The following PKD1L1 variants were observed in gnomAD, a reference collection of about 807,000 sequenced individuals.
The protein encoded by PKD1L1 is polycystin-1-like protein 1.
In PKD1L1, 236 loss-of-function variants were observed where a neutral mutation model predicts 323.4. That is an observed-to-expected ratio of 0.73 (90% CI 0.66 to 0.81). The LOEUF (loss-of-function observed/expected upper bound fraction) is 0.81. PKD1L1 is among the 40% of genes least tolerant of loss of function. The pLI is 0.00. For synonymous variants in PKD1L1, 1,344 were observed against 1,335.0 expected (o/e 1.01, Z -0.15); for missense variants, 3,320 against 3,508.0 (o/e 0.95, Z 1.35).
chr7:47,882,049 A>G lies in PKD1L1; in HGVS notation c.3302T>C (p.Leu1101Ser). The change falls in exon 20 of 57, where the codon TTG (leucine) becomes TCG (serine). Residue 1101 changes from leucine (L) to serine (S), a missense_variant. Transcript: ENST00000289672. ...ATCTCCAGGGCTCTCCTCGGCACTC[A>G]AGCTAGGTCCTGATCCTGGAAAGCT... The part of the protein sequence containing the change: ...DTSFPGSGPS[L>S]SAEESPGDGD... The G allele has an allele frequency of 1.2e-6, 2 of 1,613,764 alleles. No individual in the cohort carries two copies. The highest frequency in any genetic ancestry group is 2.2e-5 in the South Asian group (2 of 91,034).
chr7:47,813,340 G>A, intron 48 of PKD1L1, 47 bp from the exon 49 acceptor site: 2 of 1,602,700 alleles, frequency 1.2e-6, no homozygotes, highest in South Asian at 1.1e-5. Context: ...TATTCCCAAG[G>A]CTACCCTGCA....
In PKD1L1 at chr7:47,831,284, C is replaced by T. The variant is rs2128735392; in HGVS notation, c.6406G>A (p.Ala2136Thr). Residue 2136 changes from alanine to threonine, a missense_variant, in exon 42 of 57, where the codon GCA becomes ACA. Ala to Thr is a moderately conservative substitution (Grantham distance 58). Coordinates refer to ENST00000289672, the MANE Select transcript of PKD1L1 (RefSeq NM_138295.5). ...GCGGTCCCACAAATGGCCCACACTG[C>T]AGAGCTCCACCAAGGCTGAAGGGCC... ...SRALQPWWSSAVWAICGTASL... is the reference protein window; with the variant it reads ...SRALQPWWSSTVWAICGTASL... 1 of 1,614,192 alleles carries T rather than the reference C, an allele frequency of 6.2e-7. No individual in the cohort carries two copies. The highest frequency in any genetic ancestry group is 8.5e-7 in the Non-Finnish European group (1 of 1,180,022).
Position 47,946,493 on chromosome 7 carries a change from CCA to C in PKD1L1, c.44+1902_44+1903del, listed in dbSNP as rs757681313. Among the ~76,000 whole-genome samples the C allele has an allele frequency of 9.0e-6, 1 of 110,930 alleles. No individual in the cohort carries two copies. The highest frequency in any genetic ancestry group is 2.1e-5 in the Non-Finnish European group (1 of 47,828). The allele number at this position is 110,930 out of a possible 152,430, so 72.8% of individuals were successfully genotyped here. A position where few individuals can be genotyped will look rare whatever the true frequency, so the allele number is the denominator to read the frequency against. ...CATCGCACACACCACACACCACGCA[CCA>C]CACAAACACACCATACACACAAACA... is the stretch of plus-strand genomic sequence containing the variant. On this transcript the variant is annotated intron_variant, in intron 1 of 56. Coordinates refer to ENST00000289672, the MANE Select transcript of PKD1L1 (RefSeq NM_138295.5). The surrounding 1 kb of genome is among the most constrained non-coding windows in gnomAD (Gnocchi z 4.1).
intron 46 of PKD1L1, chr7:47,819,548 G>A (rs1432582148): frequency 7.3e-7 from 1 of 1,362,564 alleles, no homozygotes; most frequent in Non-Finnish European, 9.8e-7. Context: ...ACGGATAGGA[G>A]AGCTGAAAAG....
intron 3 of PKD1L1, among the ~76,000 whole-genome samples, chr7:47,938,170 G>A (rs1380521344): frequency 2.6e-5 from 4 of 152,104 alleles, no homozygotes; most frequent in Admixed American, 2.0e-4. Flanking sequence ...TTAACCAACG[G>A]CCCAGCCCCT....
Position 47,882,057 on chromosome 7 carries a change from T to C in PKD1L1, c.3294A>G (p.Gly1098=), listed in dbSNP as rs774166737. 2 of 1,613,510 alleles carry C rather than the reference T, an allele frequency of 1.2e-6. No homozygotes were observed. Among genetic ancestry groups the C allele is most frequent in the East Asian group, 4.5e-5 (2 of 44,862 alleles). Residue 1098 remains glycine, a synonymous_variant, in exon 20 of 57, where the codon GGA becomes GGG. Coordinates refer to ENST00000289672, the MANE Select transcript of PKD1L1 (RefSeq NM_138295.5). ...GGCTCTCCTCGGCACTCAAGCTAGG[T>C]CCTGATCCTGGAAAGCTGGTGTCCT... ...PAKDTSFPGS[G]PSLSAEESPG...
intron 7 of PKD1L1, among the ~76,000 whole-genome samples, chr7:47,917,334 A>C (rs1299850775): frequency 6.6e-6 from 1 of 152,128 alleles, no homozygotes; most frequent in Non-Finnish European, 1.5e-5. Context: ...GATTATGTTA[A>C]ATGACCAAAC....
intron 21 of PKD1L1, among the ~76,000 whole-genome samples, chr7:47,878,701 G>A (rs1218211009): frequency 6.6e-6 from 1 of 152,228 alleles, no homozygotes; most frequent in Non-Finnish European, 1.5e-5. Context: ...GCTTAGGAAG[G>A]GATGTGGGGA....
At chr7:47,862,092 C>G (rs35385314) in intron 26 of PKD1L1, among the ~76,000 whole-genome samples, 100,738 of 150,926 alleles carry the variant, frequency 0.67, 33,918 homozygotes, top group African/African-American at 0.73. Context: ...CTACTAGGGA[C>G]GCTGAGACAG....
chr7:47,898,203 C>T lies in PKD1L1; in HGVS notation c.2065-9G>A. ...GGCTGAGACCTCCATATCTAAGTAT[C>T]AAGAAGAGAAGATGTCTCATTAAAA... On this transcript the variant is annotated splice_polypyrimidine_tract_variant and intron_variant, in intron 13 of 56. Coordinates refer to ENST00000289672, the MANE Select transcript of PKD1L1 (RefSeq NM_138295.5). 1 of 1,608,698 alleles carries T rather than the reference C, an allele frequency of 6.2e-7. No individual in the cohort carries two copies. The highest frequency in any genetic ancestry group is 8.5e-7 in the Non-Finnish European group (1 of 1,175,588).
At chr7:47,865,998 G>T (rs1384227974) in intron 25 of PKD1L1, among the ~76,000 whole-genome samples, 1 of 152,210 alleles carries the variant, frequency 6.6e-6, no homozygotes, top group Non-Finnish European at 1.5e-5. Flanking sequence ...TTGTAGATGT[G>T]AATATTCTCT....
intron 15 of PKD1L1, among the ~76,000 whole-genome samples, chr7:47,891,892 T>A (rs1442412269): frequency 6.6e-6 from 1 of 152,216 alleles, no homozygotes; most frequent in African/African-American, 2.4e-5. Flanking sequence ...CCAGAGCATG[T>A]GCATGAATCA....
the PKD1L1 span, among the ~76,000 whole-genome samples, chr7:47,959,779 C>T: frequency 1.6e-3 from 229 of 143,506 alleles, 2 homozygotes; most frequent in Non-Finnish European, 2.8e-3. Context: ...CCAGCCGCCC[C>T]GTCCGGGAGG....
chr7:47,833,325 G>A lies in PKD1L1; in HGVS notation c.6175-73C>T, dbSNP rs1345271029. 6.6e-6 allele frequency: 10 copies of A among 1,506,546 alleles called. No individual in the cohort carries two copies. The South Asian group carries it at 7.5e-5, about 11-fold the overall frequency. The allele number at this position is 1,506,546 out of a possible 1,614,324, so 93.3% of individuals were successfully genotyped here. Reference sequence around the variant, plus strand: ...TTCACACGTGACGCTCAACAGTGGTGTGGCTTGCCGCCTTCTCAGAGGACA... The same window carrying A: ...TTCACACGTGACGCTCAACAGTGGTATGGCTTGCCGCCTTCTCAGAGGACA... On this transcript the variant is annotated intron_variant, in intron 40 of 56. Transcript: ENST00000289672.
intron 2 of PKD1L1, 48 bp from the exon 3 acceptor site, chr7:47,940,365 G>A: frequency 1.3e-6 from 2 of 1,581,736 alleles, no homozygotes; most frequent in Middle Eastern, 3.4e-4. Flanking sequence ...CAATGTGCTG[G>A]GAAGGTGAGA....
chr7:47,775,518 T>C (rs557903347), intron 56 of PKD1L1, among the ~76,000 whole-genome samples: 9 of 152,232 alleles, frequency 5.9e-5, no homozygotes, highest in African/African-American at 1.9e-4. Context: ...AACTAAATAA[T>C]ATACTTCCAA....
At chr7:47,813,346 C>T (rs1416256669) in intron 48 of PKD1L1, 53 bp from the exon 49 acceptor site, 29 of 1,595,268 alleles carry the variant, frequency 1.8e-5, no homozygotes, top group Non-Finnish European at 2.5e-5. Context: ...CAAGGCTACC[C>T]TGCAATCCGG....
chr7:47,893,770 A>C (rs1031769624), intron 15 of PKD1L1, 108 bp downstream of exon 15: 2 of 1,161,654 alleles, frequency 1.7e-6, no homozygotes, highest in Non-Finnish European at 2.4e-6. Flanking sequence ...ACGAAAGTTG[A>C]TGTGCTTAAA....
intron 17 of PKD1L1, 108 bp from the exon 18 acceptor site, chr7:47,886,162 G>C: frequency 1.4e-6 from 2 of 1,403,966 alleles, no homozygotes; most frequent in Non-Finnish European, 1.9e-6. Context: ...CAAATCTGTT[G>C]TGAATTTGAA....
Sources: allele counts gnomAD v4.1 joint callset (sites outside exome capture counted in the v4.1 genomes callset), GRCh38; gene constraint gnomAD v4.1.1; non-coding constraint Gnocchi (gnomAD v3.1); transcripts MANE v1.5; gene names NCBI Gene and HGNC (gene_info 2026-07-23, HGNC 2026-07-21).